Variants in OR1F1 observed in about 807,000 individuals in gnomAD.
OR1F1 encodes olfactory receptor 1F1.
For synonymous variants in OR1F1, 184 were observed against 156.7 expected, an observed-to-expected ratio of 1.17 and a Z score of -1.30; for missense variants, 493 against 376.3, an observed-to-expected ratio of 1.31 and a Z score of -2.57.
At chr16:3,202,530 T>C (rs944048278), upstream of OR1F1, among the ~76,000 whole-genome samples, 4 of 152,280 alleles carry the variant, frequency 2.6e-5, no homozygotes, top group African/African-American at 9.6e-5. Context: ...ATTAGCTTTA[T>C]GGGTTGTTTG....
upstream of OR1F1, among the ~76,000 whole-genome samples, chr16:3,199,692 G>C (rs1958114072): frequency 6.6e-6 from 1 of 152,098 alleles, no homozygotes; most frequent in South Asian, 2.1e-4. Flanking sequence ...GCAGCATAGA[G>C]TAACTTCTTG....
the OR1F1 span, among the ~76,000 whole-genome samples, chr16:3,194,351 T>A: frequency 6.6e-6 from 1 of 152,212 alleles, no homozygotes; most frequent in Non-Finnish European, 1.5e-5. Flanking sequence ...GGCCCACACG[T>A]TCCATTTCAT....
At chr16:3,206,338 A>T (rs764927815), downstream of OR1F1, among the ~76,000 whole-genome samples, 1 of 152,076 alleles carries the variant, frequency 6.6e-6, no homozygotes, top group African/African-American at 2.4e-5. Context: ...CCTTATCTGG[A>T]GGTTTTGATT....
chr16:3,201,442 G>A (rs1958134200), upstream of OR1F1, among the ~76,000 whole-genome samples: 1 of 152,186 alleles, frequency 6.6e-6, no homozygotes. Context: ...CACCAGCAAT[G>A]TAGAGCTCTA....
At chr16:3,202,894 C>T (rs1402489537), upstream of OR1F1, among the ~76,000 whole-genome samples, 6 of 152,048 alleles carry the variant, frequency 3.9e-5, no homozygotes, top group African/African-American at 1.2e-4. Flanking sequence ...ACTAGCTTTT[C>T]TAAGGCTATA....
the OR1F1 span, among the ~76,000 whole-genome samples, chr16:3,196,162 G>A: frequency 6.6e-6 from 1 of 152,222 alleles, no homozygotes; most frequent in South Asian, 2.1e-4. Flanking sequence ...TGCCCAGCTA[G>A]CTCAGCCGGT....
At chr16:3,190,965 C>G in the OR1F1 span, among the ~76,000 whole-genome samples, 1 of 152,036 alleles carries the variant, frequency 6.6e-6, no homozygotes, top group African/African-American at 2.4e-5. Context: ...AAAAAACAAC[C>G]AAATAGTTCT....
chr16:3,205,360 G>T (rs1306354443), downstream of OR1F1, among the ~76,000 whole-genome samples: 1 of 152,088 alleles, frequency 6.6e-6, no homozygotes, highest in Admixed American at 6.6e-5. Context: ...CTGTCACCCA[G>T]GCTGGAGTGC....
exon 1 of OR1F1, chr16:3,204,936 C>T (rs747287912): frequency 6.2e-7 from 1 of 1,614,154 alleles, no homozygotes; most frequent in Admixed American, 1.7e-5. Context: ...AGGTCCCATC[C>T]ACAAAGGGAA....
At chr16:3,200,096 G>A (rs549030029), upstream of OR1F1, among the ~76,000 whole-genome samples, 1 of 152,158 alleles carries the variant, frequency 6.6e-6, no homozygotes, top group South Asian at 2.1e-4. Context: ...AGGGCAGGCC[G>A]CTTGTAAGAA....
chr16:3,193,354 T>G, the OR1F1 span, among the ~76,000 whole-genome samples: 1 of 152,234 alleles, frequency 6.6e-6, no homozygotes, highest in East Asian at 1.9e-4. Flanking sequence ...GACCCTCCGT[T>G]GCTCTCTGAC....
upstream of OR1F1, among the ~76,000 whole-genome samples, chr16:3,204,047 G>A (rs1023117682): frequency 2.6e-5 from 4 of 152,146 alleles, no homozygotes; most frequent in African/African-American, 9.7e-5. Flanking sequence ...CGTGGATATA[G>A]CCAAGAAGGC....
the OR1F1 span, among the ~76,000 whole-genome samples, chr16:3,192,042 T>G: frequency 1.3e-5 from 2 of 152,086 alleles, no homozygotes; most frequent in African/African-American, 4.8e-5. Context: ...GGTCCCGGGT[T>G]CAAATCCCGG....
At chr16:3,190,088 A>G in the OR1F1 span, among the ~76,000 whole-genome samples, 11 of 152,048 alleles carry the variant, frequency 7.2e-5, no homozygotes, top group Non-Finnish European at 1.3e-4. Context: ...ACTCCCACCC[A>G]CTATCCCCGG....
the OR1F1 span, among the ~76,000 whole-genome samples, chr16:3,192,697 G>A: frequency 4.7e-4 from 72 of 152,180 alleles, no homozygotes; most frequent in Middle Eastern, 0.014. Context: ...CTCTCGCGCC[G>A]AGCCTGGAAA....
upstream of OR1F1, among the ~76,000 whole-genome samples, chr16:3,200,711 G>A: frequency 6.6e-6 from 1 of 152,208 alleles, no homozygotes; most frequent in Non-Finnish European, 1.5e-5. Flanking sequence ...AGTACCTACT[G>A]AAGATAGCTT....
chr16:3,195,069 G>A, the OR1F1 span, among the ~76,000 whole-genome samples: 8 of 152,278 alleles, frequency 5.3e-5, no homozygotes, highest in East Asian at 7.7e-4. Context: ...CGTGTCCCCC[G>A]GAGCACAATG....
the OR1F1 span, among the ~76,000 whole-genome samples, chr16:3,197,456 T>C: frequency 6.6e-6 from 1 of 152,282 alleles, no homozygotes; most frequent in East Asian, 1.9e-4. Flanking sequence ...AACTCTGGCA[T>C]GCTTTCCTCT....
the OR1F1 span, among the ~76,000 whole-genome samples, chr16:3,191,489 G>A: frequency 2.6e-4 from 39 of 152,254 alleles, no homozygotes; most frequent in African/African-American, 9.1e-4. Context: ...GACATAAAAC[G>A]TTCCCAGGGA....
Sources: allele counts gnomAD v4.1 joint callset (sites outside exome capture counted in the v4.1 genomes callset), GRCh38; gene constraint gnomAD v4.1.1; transcripts MANE v1.5; gene names NCBI Gene and HGNC (gene_info 2026-07-23, HGNC 2026-07-21).